The following SLC16A7 variants were observed in gnomAD, a reference collection of about 807,000 sequenced individuals.
The protein encoded by SLC16A7 is solute carrier family 16 member 7.
A neutral mutation model predicts 34.9 loss-of-function variants in SLC16A7; 33 were observed. The observed-to-expected ratio is 0.94, with a 90% CI of 0.72 to 1.26. The LOEUF (loss-of-function observed/expected upper bound fraction) is 1.26. Ranked by LOEUF, SLC16A7 falls within the 50% of genes most tolerant of loss-of-function variation. SLC16A7 has a pLI of 0.00. For synonymous variants in SLC16A7, 201 were observed against 206.6 expected (o/e 0.97, Z 0.23); for missense variants, 573 against 578.1 (o/e 0.99, Z 0.09).
intron 3 of SLC16A7, among the ~76,000 whole-genome samples, chr12:59,743,403 G>T (rs1021737382): frequency 6.6e-6 from 1 of 152,048 alleles, no homozygotes; most frequent in Admixed American, 6.6e-5. Context: ...TTAGAGAAAA[G>T]GATACAACAT....
intron 5 of SLC16A7, among the ~76,000 whole-genome samples, chr12:59,777,981 C>T (rs1882929770): frequency 6.6e-6 from 1 of 152,028 alleles, no homozygotes; most frequent in Non-Finnish European, 1.5e-5. Flanking sequence ...AGGACATGAA[C>T]TCATCATTTT....
At position 59,775,218 on chromosome 12, in the gene SLC16A7, A is replaced by G. The variant is rs1882636167; in HGVS notation, c.923A>G (p.Tyr308Cys). The change falls in exon 5 of 6, where the codon TAT (tyrosine) becomes TGT (cysteine). Residue 308 changes from tyrosine (Y) to cysteine (C), a missense_variant. Transcript: ENST00000547379. ...GTAGGATTAATTGCAAACTCCAAATATATTCGACCTCGAATTCAGTACTTC... is the reference window on the plus strand; with the variant it reads ...GTAGGATTAATTGCAAACTCCAAATGTATTCGACCTCGAATTCAGTACTTC... ...PSVGLIANSK[Y>C]IRPRIQYFFS... 1.9e-6 allele frequency: 3 copies of G among 1,614,138 alleles called. No individual in the cohort carries two copies. The highest frequency in any genetic ancestry group is 2.7e-5 in the African/African-American group (2 of 75,056).
intron 3 of SLC16A7, among the ~76,000 whole-genome samples, chr12:59,737,848 G>T (rs982585711): frequency 6.6e-6 from 1 of 152,070 alleles, no homozygotes; most frequent in Admixed American, 6.6e-5. Context: ...AAATGGAATA[G>T]TTCCTTTCTT....
rs1188172008 is a variant in SLC16A7, at chr12:59,596,044, C to T, written c.-322C>T. ...CCTGGCGCGCGCTCCTCCGCACCCA[C>T]AAGGGCGTTCAGCAGCCGCGCCTCC... On this transcript the variant is annotated 5_prime_UTR_variant, in exon 1 of 6. Coordinates refer to ENST00000547379, the MANE Select transcript of SLC16A7 (RefSeq NM_001270623.2). This position sits in a 1 kb window ranked among gnomAD's most constrained non-coding sequence, Gnocchi z 5.0. 6.6e-6 allele frequency: 1 copy of T among 151,526 alleles called. No individual in the cohort carries two copies. Among genetic ancestry groups the T allele is most frequent in the African/African-American group, 2.4e-5 (1 of 41,206 alleles). The allele number at this position is 151,526 out of a possible 1,614,324, so 9.4% of individuals were successfully genotyped here.
At chr12:59,610,461 G>A (rs1040501558) in intron 1 of SLC16A7, among the ~76,000 whole-genome samples, 1 of 152,056 alleles carries the variant, frequency 6.6e-6, no homozygotes, top group Non-Finnish European at 1.5e-5. Flanking sequence ...TAAATAATTG[G>A]GATTTGAATA....
chr12:59,752,979 C>A (rs1348766366), intron 3 of SLC16A7, among the ~76,000 whole-genome samples: 1 of 152,136 alleles, frequency 6.6e-6, no homozygotes, highest in Non-Finnish European at 1.5e-5. Flanking sequence ...GAATTTTCAA[C>A]CCAGAATTTC....
chr12:59,744,708 A>G (rs145476117), intron 3 of SLC16A7, among the ~76,000 whole-genome samples: 2 of 152,294 alleles, frequency 1.3e-5, no homozygotes, highest in East Asian at 1.9e-4. Flanking sequence ...GGCAAAAGCT[A>G]AAAGAGTGCT....
chr12:59,735,986 G>A (rs906171587), intron 3 of SLC16A7: 39 of 979,884 alleles, frequency 4.0e-5, no homozygotes, highest in Non-Finnish European at 4.9e-5. Context: ...CCATCTACTT[G>A]AGGTAACAAG....
chr12:59,673,632 C>T (rs767217254), intron 2 of SLC16A7, among the ~76,000 whole-genome samples: 3 of 151,988 alleles, frequency 2.0e-5, no homozygotes, highest in Non-Finnish European at 4.4e-5. Context: ...CCCAAAAGGA[C>T]GTTAACAAAG....
intron 2 of SLC16A7, among the ~76,000 whole-genome samples, chr12:59,673,301 A>G (rs1229748827): frequency 1.3e-5 from 2 of 152,110 alleles, no homozygotes; most frequent in African/African-American, 4.8e-5. Context: ...TTGAGCTGTT[A>G]TTTTTGACAA....
At chr12:59,617,219 A>G (rs776786343) in intron 1 of SLC16A7, among the ~76,000 whole-genome samples, 4 of 152,056 alleles carry the variant, frequency 2.6e-5, no homozygotes, top group Non-Finnish European at 5.9e-5. Context: ...TGTAAAAATT[A>G]TAAAGGCAAA....
intron 3 of SLC16A7, chr12:59,733,923 CTGTG>C: frequency 2.3e-6 from 1 of 428,698 alleles, no homozygotes; most frequent in South Asian, 1.7e-5. Context: ...ATCCTGACGT[CTGTG>C]TGAGTCTGGC....
In SLC16A7 at chr12:59,671,881, GTATATATGTACATA is replaced by G. The variant is rs1869772919; in HGVS notation, c.-31+16633_-31+16646del. On this transcript the variant is annotated intron_variant, in intron 2 of 5. Coordinates refer to ENST00000547379, the MANE Select transcript of SLC16A7 (RefSeq NM_001270623.2). ...TGTATATGTATATATGTGTATATAT[GTATATATGTACATA>G]TGTATATATACATATATGTATATAT... is the stretch of plus-strand genomic sequence containing the variant. Among the ~76,000 whole-genome samples, 7 of 98,366 alleles carry G rather than the reference GTATATATGTACATA, an allele frequency of 7.1e-5. 3 individuals are homozygous for G. Among genetic ancestry groups the G allele is most frequent in the African/African-American group, 2.6e-4 (7 of 27,258 alleles). The allele number at this position is 98,366 out of a possible 152,430, so 64.5% of individuals were successfully genotyped here.
At chr12:59,750,238 T>C (rs1879359485) in intron 3 of SLC16A7, among the ~76,000 whole-genome samples, 1 of 151,930 alleles carries the variant, frequency 6.6e-6, no homozygotes, top group Non-Finnish European at 1.5e-5. Flanking sequence ...ACTAAAGAGC[T>C]TCTGCACAGC....
chr12:59,700,124 A>C (rs1872717772), intron 2 of SLC16A7, among the ~76,000 whole-genome samples: 1 of 151,840 alleles, frequency 6.6e-6, no homozygotes, highest in Non-Finnish European at 1.5e-5. Flanking sequence ...TCAGTGAATC[A>C]GCAATATGTA....
rs574686849 is a variant in SLC16A7 at position 59,775,262 on chromosome 12, T to G, written c.967T>G (p.Phe323Val). ...IQYFFSFAIM[F>V]NGVCHLLCPL... ...GTACTTCTTCAGTTTTGCAATCATG[T>G]TCAATGGAGTGTGTCACCTCTTGTG... The change falls in exon 5 of 6, where the codon TTC becomes GTC. Residue 323 changes from phenylalanine (F) to valine (V), a missense_variant. Coordinates refer to ENST00000547379, the MANE Select transcript of SLC16A7 (RefSeq NM_001270623.2). 2.0e-5 allele frequency: 33 copies of G among 1,614,170 alleles called. No homozygotes were observed. In the South Asian group the frequency reaches 3.3e-4, roughly 16 times the overall value.
chr12:59,720,628 T>A (rs1296043116), intron 3 of SLC16A7, among the ~76,000 whole-genome samples: 1 of 151,970 alleles, frequency 6.6e-6, no homozygotes, highest in African/African-American at 2.4e-5. Context: ...CATCATCCAA[T>A]CTCCTCCCCA....
At chr12:59,760,526 C>G (rs973923803) in intron 3 of SLC16A7, among the ~76,000 whole-genome samples, 1 of 152,018 alleles carries the variant, frequency 6.6e-6, no homozygotes, top group African/African-American at 2.4e-5. Flanking sequence ...AAGAGATTAA[C>G]AACAATTCAT....
At chr12:59,622,520 T>C (rs952166278) in intron 1 of SLC16A7, among the ~76,000 whole-genome samples, 2 of 151,836 alleles carry the variant, frequency 1.3e-5, no homozygotes, top group Non-Finnish European at 2.9e-5. Context: ...GATTAAAGCC[T>C]TCGTTTTCAT....
Sources: allele counts gnomAD v4.1 joint callset (sites outside exome capture counted in the v4.1 genomes callset), GRCh38; gene constraint gnomAD v4.1.1; non-coding constraint Gnocchi (gnomAD v3.1); transcripts MANE v1.5; gene names NCBI Gene and HGNC (gene_info 2026-07-23, HGNC 2026-07-21).